Variants in ELMO1 observed in about 807,000 individuals in gnomAD.
ELMO1 encodes engulfment and cell motility 1.
A neutral mutation model predicts 98.9 loss-of-function variants in ELMO1; 26 were observed. The ratio of observed to expected loss-of-function variants is 0.26; its 90% CI spans 0.19 to 0.36. The LOEUF (loss-of-function observed/expected upper bound fraction) is 0.36. Among genes scored for constraint, ELMO1 ranks in the 10% least tolerant of loss-of-function variants. ELMO1 has a pLI of 1.00. For missense variants in ELMO1, 627 were observed against 935.2 expected, an observed-to-expected ratio of 0.67 and a Z score of 4.30; for synonymous variants, 346 against 346.0, an observed-to-expected ratio of 1.00 and a Z score of 0.00.
intron 14 of ELMO1, among the ~76,000 whole-genome samples, chr7:37,101,447 A>G (rs930008362): frequency 3.9e-5 from 6 of 152,198 alleles, no homozygotes; most frequent in Non-Finnish European, 8.8e-5. Context: ...GCCCCGAAGA[A>G]GGGGCTACAT....
chr7:37,004,507 C>G (rs2129165388), intron 16 of ELMO1, among the ~76,000 whole-genome samples: 1 of 152,292 alleles, frequency 6.6e-6, no homozygotes, highest in South Asian at 2.1e-4. Flanking sequence ...CAATTATTTT[C>G]TCCTCCTAAT....
chr7:37,196,388 C>T (rs1194524800), intron 13 of ELMO1, among the ~76,000 whole-genome samples: 1 of 152,160 alleles, frequency 6.6e-6, no homozygotes, highest in Non-Finnish European at 1.5e-5. Context: ...TTGCTTTCTA[C>T]CCCCAGATAG....
chr7:37,428,788 C>T (rs1173532203), intron 1 of ELMO1, among the ~76,000 whole-genome samples: 1 of 152,226 alleles, frequency 6.6e-6, no homozygotes, highest in African/African-American at 2.4e-5. Context: ...AGTGCTTACG[C>T]ACCTCTTATG....
At chr7:37,259,828 AT>A (rs1795888147) in intron 5 of ELMO1, among the ~76,000 whole-genome samples, 1 of 152,238 alleles carries the variant, frequency 6.6e-6, no homozygotes, top group African/African-American at 2.4e-5. Context: ...CGGGAGCTTC[AT>A]TAGCCACCCA....
chr7:37,427,083 C>T (rs1294955198), intron 1 of ELMO1, among the ~76,000 whole-genome samples: 3 of 152,058 alleles, frequency 2.0e-5, no homozygotes, highest in Non-Finnish European at 4.4e-5. Flanking sequence ...TAAGACAATA[C>T]AGTAGTTCAG....
At chr7:37,241,127 A>C (rs771684730) in intron 7 of ELMO1, among the ~76,000 whole-genome samples, 21 of 152,156 alleles carry the variant, frequency 1.4e-4, no homozygotes, top group Non-Finnish European at 2.9e-4. Flanking sequence ...ACGTATTTTA[A>C]AACTTTATTA....
rs1034270319 is a variant in ELMO1 at position 37,300,869 on chromosome 7, T to G, written c.192+13981A>C. The stretch of plus-strand genomic sequence containing the variant: ...TACCAGTTCCTCCTTGTACCTCTGG[T>G]AGAATTCAGCTGTGAAGCCATCTGG... On this transcript the variant is annotated intron_variant, in intron 4 of 21. Transcript: ENST00000310758. Among the ~76,000 whole-genome samples, 127 of 152,292 alleles carry G rather than the reference T, an allele frequency of 8.3e-4. 1 individual carries two copies. The highest frequency in any genetic ancestry group is 2.7e-3 in the African/African-American group (113 of 41,564).
At chr7:37,073,815 C>T (rs573486787) in intron 15 of ELMO1, among the ~76,000 whole-genome samples, 2 of 151,928 alleles carry the variant, frequency 1.3e-5, no homozygotes, top group African/African-American at 4.8e-5. Flanking sequence ...CTTCTGGCCT[C>T]AAGAGACCCT....
At chr7:36,887,927 CAA>C in intron 17 of ELMO1, among the ~76,000 whole-genome samples, 1 of 152,156 alleles carries the variant, frequency 6.6e-6, no homozygotes, top group Non-Finnish European at 1.5e-5. Context: ...TTTTCCAGAG[CAA>C]AGTGTCCTGA....
chr7:36,914,577 G>A (rs1045744559), intron 16 of ELMO1, among the ~76,000 whole-genome samples: 2 of 149,422 alleles, frequency 1.3e-5, no homozygotes, highest in Non-Finnish European at 3.0e-5. Flanking sequence ...GCAGTGGCCT[G>A]ATCTCGGCTC....
At chr7:37,324,735 C>T (rs1348115963) in intron 2 of ELMO1, among the ~76,000 whole-genome samples, 1 of 152,156 alleles carries the variant, frequency 6.6e-6, no homozygotes, top group Non-Finnish European at 1.5e-5. Context: ...GTGTGTACCA[C>T]CACACCTGGC....
At chr7:37,339,514 A>G (rs7804200) in intron 2 of ELMO1, among the ~76,000 whole-genome samples, 66,754 of 152,068 alleles carry the variant, frequency 0.44, 14,889 homozygotes, top group African/African-American at 0.52. Context: ...CTAACATGCT[A>G]TGGGAGAGAG....
intron 15 of ELMO1, among the ~76,000 whole-genome samples, chr7:37,014,400 C>A (rs1213852039): frequency 6.6e-6 from 1 of 151,812 alleles, no homozygotes; most frequent in Admixed American, 6.6e-5. Flanking sequence ...CAGTGAAAGT[C>A]TTTCTATTTT....
intron 1 of ELMO1, among the ~76,000 whole-genome samples, chr7:37,385,999 C>T (rs1242642571): frequency 6.6e-6 from 1 of 152,180 alleles, no homozygotes; most frequent in Non-Finnish European, 1.5e-5. Context: ...CCTCCTCAAC[C>T]GGAGAGCTCC....
At chr7:37,063,425 G>A (rs1796771657) in intron 15 of ELMO1, among the ~76,000 whole-genome samples, 1 of 152,010 alleles carries the variant, frequency 6.6e-6, no homozygotes, top group Non-Finnish European at 1.5e-5. Context: ...CTAATAAAAG[G>A]TCCTACAGTC....
intron 5 of ELMO1, chr7:37,271,582 G>A: frequency 2.3e-6 from 1 of 440,152 alleles, no homozygotes; most frequent in Non-Finnish European, 4.0e-6. Context: ...TTACGAATTT[G>A]TGAATTCAAA....
intron 1 of ELMO1, among the ~76,000 whole-genome samples, chr7:37,399,004 G>A (rs2131450493): frequency 6.6e-6 from 1 of 152,298 alleles, no homozygotes; most frequent in South Asian, 2.1e-4. Context: ...CCTGGCACCT[G>A]TCACTGAGCC....
chr7:37,239,249 TC>T (rs1449146709), intron 7 of ELMO1, among the ~76,000 whole-genome samples: 1 of 152,052 alleles, frequency 6.6e-6, no homozygotes, highest in Non-Finnish European at 1.5e-5. Flanking sequence ...CACTGAAACC[TC>T]CACCTCCTGG....
At chr7:36,881,944 G>A (rs577041669) in intron 18 of ELMO1, among the ~76,000 whole-genome samples, 4 of 152,204 alleles carry the variant, frequency 2.6e-5, no homozygotes, top group South Asian at 4.2e-4. Flanking sequence ...GTAGCCCACC[G>A]TCTGTCTTCA....
Sources: gnomAD v4.1 joint callset for allele counts (sites outside exome capture counted in the v4.1 genomes callset) on GRCh38, gnomAD v4.1.1 for gene constraint, MANE v1.5 for transcripts, NCBI Gene and HGNC (gene_info 2026-07-23, HGNC 2026-07-21) for gene names.